EPAS1: variants seen among roughly 807,000 people sequenced by gnomAD.
EPAS1 encodes endothelial PAS domain-containing protein 1.
In EPAS1, 23 loss-of-function variants were observed where a neutral mutation model predicts 87.9. The observed-to-expected ratio is 0.26, with a 90% CI of 0.19 to 0.37. The LOEUF is 0.37. EPAS1 is among the 10% of genes least tolerant of loss of function. The pLI, the probability that EPAS1 is intolerant of heterozygous loss-of-function variation, is 1.00. For missense variants in EPAS1, 1,138 were observed against 1,120.7 expected (o/e 1.02, Z -0.22); for synonymous variants, 508 against 444.3 (o/e 1.14, Z -1.80).
At chr2:46,306,831 TAG>T (rs1683115866) in intron 1 of EPAS1, among the ~76,000 whole-genome samples, 2 of 152,226 alleles carry the variant, frequency 1.3e-5, no homozygotes, top group Non-Finnish European at 2.9e-5. Flanking sequence ...ACAATGTTTT[TAG>T]AGAGTGTCTA....
At chr2:46,367,447 C>T (rs1305751346) in intron 6 of EPAS1, among the ~76,000 whole-genome samples, 1 of 152,220 alleles carries the variant, frequency 6.6e-6, no homozygotes, top group African/African-American at 2.4e-5. Context: ...AGTTCTAGTT[C>T]CCAGGCTAAG....
rs535860790 is a variant in EPAS1 at position 46,356,133 on chromosome 2, A to T, written c.218-18A>T. On this transcript the variant is annotated intron_variant, in intron 2 of 15. Transcript: ENST00000263734. ...ACTCCACATTCATGCAAGCTGTCCC[A>T]CCCCCCCCCCTTTCCAGTTTGCTCT... 2.5e-6 allele frequency: 3 copies of T among 1,219,292 alleles called. No homozygotes were observed. The highest frequency in any genetic ancestry group is 2.3e-6 in the Non-Finnish European group (2 of 868,430). The allele number at this position is 1,219,292 out of a possible 1,614,324, so 75.5% of individuals were successfully genotyped here. A position where few individuals can be genotyped will look rare whatever the true frequency, so the allele number is the denominator to read the frequency against.
intron 1 of EPAS1, among the ~76,000 whole-genome samples, chr2:46,318,301 C>T (rs754674883): frequency 6.6e-6 from 1 of 152,014 alleles, no homozygotes; most frequent in South Asian, 2.1e-4. Flanking sequence ...TGCCTAAAAA[C>T]AATTACGGTG....
At chr2:46,307,919 A>T (rs1201557874) in intron 1 of EPAS1, among the ~76,000 whole-genome samples, 1 of 152,168 alleles carries the variant, frequency 6.6e-6, no homozygotes, top group Admixed American at 6.5e-5. Flanking sequence ...GGGATCTCCA[A>T]AGATTAGCTA....
chr2:46,341,973 G>A (rs893565007), intron 1 of EPAS1, among the ~76,000 whole-genome samples: 1 of 152,008 alleles, frequency 6.6e-6, no homozygotes, highest in African/African-American at 2.4e-5. Context: ...AACCCCATCT[G>A]CCTCCCCCCA....
chr2:46,384,807 C>A lies in EPAS1; in HGVS notation c.*147C>A. 1 of 994,506 alleles carries A rather than the reference C, an allele frequency of 1.0e-6. No homozygotes were observed. The highest frequency in any genetic ancestry group is 1.5e-5 in the South Asian group (1 of 68,554). The allele number at this position is 994,506 out of a possible 1,614,324, so 61.6% of individuals were successfully genotyped here. A position where few individuals can be genotyped will look rare whatever the true frequency, so the allele number is the denominator to read the frequency against. ...TGGCAGACTTGCCCAGGTCACCAAG[C>A]AGTGGCCTTTTTCTGAGATGCTCAC... On this transcript the variant is annotated 3_prime_UTR_variant, in exon 16 of 16. Coordinates refer to ENST00000263734, the MANE Select transcript of EPAS1 (RefSeq NM_001430.5).
At chr2:46,331,114 G>A (rs982476862) in intron 1 of EPAS1, among the ~76,000 whole-genome samples, 6 of 152,154 alleles carry the variant, frequency 3.9e-5, no homozygotes, top group African/African-American at 1.4e-4. Flanking sequence ...ACTCATAGAC[G>A]CTGAGGTTTA....
chr2:46,310,996 C>T (rs1305707902), intron 1 of EPAS1, among the ~76,000 whole-genome samples: 1 of 152,178 alleles, frequency 6.6e-6, no homozygotes, highest in Non-Finnish European at 1.5e-5. Flanking sequence ...CCTGCCTCAG[C>T]CTCCCCAGTA....
Position 46,323,588 on chromosome 2 carries a change from G to A in EPAS1, c.27-23285G>A, listed in dbSNP as rs183877401. On this transcript the variant is annotated intron_variant, in intron 1 of 15. Transcript: ENST00000263734. ...GGAACAGTAACCCTGAGAGCAGACT[G>A]GTTTAAGGCCATCTCTGGCCAAACC... Among the ~76,000 whole-genome samples, 80 of 152,332 alleles carry A rather than the reference G, an allele frequency of 5.3e-4. 1 individual carries two copies. In the South Asian group the frequency reaches 9.5e-3, roughly 18 times the overall value.
Position 46,297,872 on chromosome 2 carries a change from G to A in EPAS1, c.-40G>A. 6.2e-7 allele frequency: 1 copy of A among 1,604,528 alleles called. No individual in the cohort carries two copies. Among genetic ancestry groups the A allele is most frequent in the Non-Finnish European group, 8.5e-7 (1 of 1,175,610 alleles). Reference sequence around the variant, plus strand: ...AGCCCCCCACCCGCCAGGGAGCCCAGGTGCTCGGCGTCTGAACGTCTCAAA... The same window carrying A: ...AGCCCCCCACCCGCCAGGGAGCCCAAGTGCTCGGCGTCTGAACGTCTCAAA... On this transcript the variant is annotated 5_prime_UTR_variant, in exon 1 of 16. Coordinates refer to ENST00000263734, the MANE Select transcript of EPAS1 (RefSeq NM_001430.5).
At chr2:46,356,624 C>T (rs1444230616) in intron 3 of EPAS1, 100 bp from the exon 4 acceptor site, 4 of 952,246 alleles carry the variant, frequency 4.2e-6, no homozygotes, top group East Asian at 2.4e-5. Context: ...CCAATTCAGT[C>T]TCCTCCCTGC....
chr2:46,369,505 G>A (rs1377736720), intron 6 of EPAS1, among the ~76,000 whole-genome samples: 1 of 152,188 alleles, frequency 6.6e-6, no homozygotes, highest in South Asian at 2.1e-4. Context: ...AACTTGGGGT[G>A]AGCCCCTTCC....
chr2:46,329,843 A>T (rs1216085019), intron 1 of EPAS1, among the ~76,000 whole-genome samples: 1 of 152,052 alleles, frequency 6.6e-6, no homozygotes, highest in African/African-American at 2.4e-5. Flanking sequence ...CAAACAAAAC[A>T]CACACACACA....
Position 46,363,721 on chromosome 2 carries a change from A to G in EPAS1, c.779+2631A>G, listed in dbSNP as rs78370614. 1.0e-3 allele frequency among the ~76,000 whole-genome samples: 157 copies of G among 152,240 alleles called. 2 individuals are homozygous for G. In the East Asian group the frequency reaches 0.029, roughly 28 times the overall value. On this transcript the variant is annotated intron_variant, in intron 6 of 15. Coordinates refer to ENST00000263734, the MANE Select transcript of EPAS1 (RefSeq NM_001430.5). ...AAGCCTCGTGATTTAGGGCTTTGTG[A>G]CTCATAATGTAGAGGGTGATATTGC...
intron 1 of EPAS1, among the ~76,000 whole-genome samples, chr2:46,298,857 C>T (rs1163774638): frequency 6.6e-6 from 1 of 152,224 alleles, no homozygotes; most frequent in Non-Finnish European, 1.5e-5. Flanking sequence ...GCAGGCAGGG[C>T]CTCAACTTCT....
chr2:46,315,861 A>G (rs1168746394), intron 1 of EPAS1, among the ~76,000 whole-genome samples: 2 of 152,384 alleles, frequency 1.3e-5, no homozygotes, highest in East Asian at 3.9e-4. Flanking sequence ...CCCTGGGACC[A>G]TGTGCACACA....
chr2:46,307,475 G>A (rs1032481528), intron 1 of EPAS1, among the ~76,000 whole-genome samples: 4 of 152,158 alleles, frequency 2.6e-5, no homozygotes, highest in African/African-American at 9.7e-5. Flanking sequence ...CTTTTATTCT[G>A]TACCCGGGAC....
chr2:46,314,328 G>A (rs1031285548), intron 1 of EPAS1, among the ~76,000 whole-genome samples: 12 of 152,142 alleles, frequency 7.9e-5, no homozygotes, highest in South Asian at 2.1e-4. Context: ...TGATTGGGTC[G>A]GTGTCACTCT....
chr2:46,314,333 C>G (rs1275262438), intron 1 of EPAS1, among the ~76,000 whole-genome samples: 1 of 152,184 alleles, frequency 6.6e-6, no homozygotes, highest in African/African-American at 2.4e-5. Flanking sequence ...GGGTCGGTGT[C>G]ACTCTCTACA....
Sources: gnomAD v4.1 joint callset for allele counts (sites outside exome capture counted in the v4.1 genomes callset) on GRCh38, gnomAD v4.1.1 for gene constraint, MANE v1.5 for transcripts, NCBI Gene and HGNC (gene_info 2026-07-23, HGNC 2026-07-21) for gene names.